CHODL: variants seen among roughly 807,000 people sequenced by gnomAD.
The protein encoded by CHODL is transmembrane protein MT75.
In CHODL, 29 loss-of-function variants were observed where a neutral mutation model predicts 34.5. The observed-to-expected ratio is 0.84, with a 90% CI of 0.63 to 1.15. The LOEUF (loss-of-function observed/expected upper bound fraction) is 1.15. Among genes scored for constraint, CHODL ranks in the 50% most tolerant of loss-of-function variants. CHODL has a pLI of 0.00. For synonymous variants in CHODL, 125 were observed against 116.1 expected (o/e 1.08, Z -0.49); for missense variants, 332 against 332.5 (o/e 1.00, Z 0.01).
intron 2 of CHODL, among the ~76,000 whole-genome samples, chr21:18,235,446 G>A (rs1023414548): frequency 6.6e-6 from 1 of 152,060 alleles, no homozygotes; most frequent in Non-Finnish European, 1.5e-5. Context: ...TGATTATTAA[G>A]ATTGTCTGTA....
At chr21:18,167,308 GA>G (rs920268324) in intron 2 of CHODL, among the ~76,000 whole-genome samples, 6 of 113,218 alleles carry the variant, frequency 5.3e-5, no homozygotes, top group Admixed American at 3.0e-4. Flanking sequence ...TTTCTATTAA[GA>G]TTTTTTTTTT....
chr21:18,236,293 C>T (rs73206907), intron 2 of CHODL, among the ~76,000 whole-genome samples: 10,129 of 152,044 alleles, frequency 0.067, 433 homozygotes, highest in Non-Finnish European at 0.096. Flanking sequence ...AAGGGAAAAC[C>T]GCCTCCATGA....
chr21:18,062,253 A>AT (rs773157145), intron 2 of CHODL, among the ~76,000 whole-genome samples: 9 of 151,944 alleles, frequency 5.9e-5, no homozygotes, highest in Non-Finnish European at 8.8e-5. Flanking sequence ...TGGAATATTA[A>AT]TTTTTTTATA....
intron 2 of CHODL, among the ~76,000 whole-genome samples, chr21:18,045,292 T>C (rs2064428138): frequency 6.6e-6 from 1 of 151,928 alleles, no homozygotes; most frequent in Admixed American, 6.6e-5. Flanking sequence ...ACCTTGTGAA[T>C]GTGAGCTTAT....
intron 1 of CHODL, among the ~76,000 whole-genome samples, chr21:18,003,529 G>T (rs157754): frequency 0.032 from 4,827 of 151,998 alleles, 232 homozygotes; most frequent in African/African-American, 0.11. Context: ...TGAATAATGC[G>T]TGTTCATTTA....
intron 1 of CHODL, among the ~76,000 whole-genome samples, chr21:17,988,371 T>C (rs1211346036): frequency 9.0e-6 from 1 of 111,568 alleles, no homozygotes; most frequent in Non-Finnish European, 1.8e-5. Flanking sequence ...CTGTGGGAAG[T>C]TTTTTTTTTT....
At chr21:18,005,057 G>C (rs544042615) in intron 1 of CHODL, among the ~76,000 whole-genome samples, 2 of 152,264 alleles carry the variant, frequency 1.3e-5, no homozygotes, top group East Asian at 3.9e-4. Flanking sequence ...TACAGATAGA[G>C]AATATGGACT....
At chr21:17,994,527 G>A (rs147982399) in intron 1 of CHODL, among the ~76,000 whole-genome samples, 279 of 152,278 alleles carry the variant, frequency 1.8e-3, no homozygotes, top group African/African-American at 6.5e-3. Context: ...AGGCATGCAT[G>A]TGTGCCCACA....
intron 1 of CHODL, among the ~76,000 whole-genome samples, chr21:17,937,572 A>G (rs1222244838): frequency 6.6e-6 from 1 of 152,222 alleles, no homozygotes; most frequent in African/African-American, 2.4e-5. Context: ...ATAAAAATAC[A>G]GTGTCTTTTC....
intron 2 of CHODL, among the ~76,000 whole-genome samples, chr21:18,201,392 A>G (rs2073650604): frequency 6.6e-6 from 1 of 152,138 alleles, no homozygotes; most frequent in African/African-American, 2.4e-5. Context: ...GGTAATCAAA[A>G]TGTAGCCTCA....
At chr21:18,031,251 C>T (rs889538422) in intron 2 of CHODL, among the ~76,000 whole-genome samples, 2 of 152,100 alleles carry the variant, frequency 1.3e-5, no homozygotes, top group African/African-American at 4.8e-5. Flanking sequence ...TCTCTCTTTG[C>T]CTAAAGATGT....
chr21:18,249,178 G>A (rs180733829), intron 1 of CHODL, among the ~76,000 whole-genome samples: 1,437 of 141,652 alleles, frequency 0.01, 14 homozygotes, highest in Non-Finnish European at 0.017. Context: ...AAATTCAGAA[G>A]ATGCACTCAC....
At chr21:18,087,605 T>C (rs1200581710) in intron 2 of CHODL, among the ~76,000 whole-genome samples, 2 of 152,086 alleles carry the variant, frequency 1.3e-5, no homozygotes, top group Non-Finnish European at 2.9e-5. Context: ...TGCAGACATG[T>C]CAGCTTAAAC....
chr21:18,008,233 G>A (rs578068716), intron 1 of CHODL, among the ~76,000 whole-genome samples: 4 of 151,536 alleles, frequency 2.6e-5, no homozygotes, highest in African/African-American at 9.7e-5. Context: ...TGATGTATTT[G>A]TATGTATGCG....
intron 2 of CHODL, among the ~76,000 whole-genome samples, chr21:18,232,941 T>TTATATA (rs752640406): frequency 0.011 from 1,041 of 97,558 alleles, 32 homozygotes; most frequent in Non-Finnish European, 0.014. Flanking sequence ...CATGATGTTA[T>TTATATA]GATATATATA....
chr21:18,221,916 TG>T (rs2073887899), intron 2 of CHODL, among the ~76,000 whole-genome samples: 1 of 152,170 alleles, frequency 6.6e-6, no homozygotes, highest in African/African-American at 2.4e-5. Flanking sequence ...TGTCAATGAA[TG>T]GTGGGTCTAT....
intron 2 of CHODL, among the ~76,000 whole-genome samples, chr21:18,054,510 A>C (rs2064555152): frequency 6.6e-6 from 1 of 152,020 alleles, no homozygotes; most frequent in Admixed American, 6.6e-5. Flanking sequence ...CAGGCACAGA[A>C]GGATAAATAC....
intron 2 of CHODL, among the ~76,000 whole-genome samples, chr21:18,192,224 T>A (rs752447832): frequency 2.0e-5 from 3 of 152,132 alleles, no homozygotes; most frequent in Non-Finnish European, 4.4e-5. Context: ...ATACAGTCAG[T>A]ATGAGATATA....
rs115922853 is a variant in CHODL at position 17,981,875 on chromosome 21, T to G, written c.-144-45997T>G. 5.6e-3 allele frequency among the ~76,000 whole-genome samples: 855 copies of G among 152,282 alleles called. 6 individuals carry two copies. Among genetic ancestry groups the G allele is most frequent in the African/African-American group, 0.014 (566 of 41,560 alleles). On this transcript the variant is annotated intron_variant, in intron 1 of 6. Transcript: ENST00000400127. ...ATTAAATATTAGCATGAGAACTAAATGTAAAAGAAGACAAATGAAAATGTA... is the reference window on the plus strand; with the variant it reads ...ATTAAATATTAGCATGAGAACTAAAGGTAAAAGAAGACAAATGAAAATGTA...
Sources: allele counts gnomAD v4.1 joint callset (sites outside exome capture counted in the v4.1 genomes callset), GRCh38; gene constraint gnomAD v4.1.1; transcripts MANE v1.5; gene names NCBI Gene and HGNC (gene_info 2026-07-23, HGNC 2026-07-21).